NACA: variants seen among roughly 807,000 people sequenced by gnomAD.
NACA encodes nascent polypeptide associated complex subunit alpha.
In NACA, 42 loss-of-function variants were observed where a neutral mutation model predicts 86.4. That is an observed-to-expected ratio of 0.49 (90% CI 0.38 to 0.63). The LOEUF (loss-of-function observed/expected upper bound fraction) is 0.63, where lower values mean the gene tolerates loss of function less well. Ranked by LOEUF, NACA falls within the 20% of genes least tolerant of loss-of-function variation. The probability of loss-of-function intolerance (pLI) is 0.00; values close to 1 mark genes in which losing one functional copy is unlikely to be tolerated. For missense variants in NACA, 2,157 were observed against 2,483.6 expected (o/e 0.87, Z 2.80); for synonymous variants, 898 against 973.7 (o/e 0.92, Z 1.45).
In NACA at chr12:56,720,155, C is replaced by A; in HGVS notation, c.1375G>T (p.Val459Leu). ...ATTGGAGGAGAAACACAAGTAGCTA[C>A]CTCAAAGGTAGTAGTAGGTGCTGCA... ...IAAAPTTTFE[V>L]ATCVSPPMSS... Residue 459 changes from valine to leucine, a missense_variant, in exon 3 of 9, where the codon GTA (valine) becomes TTA (leucine). By Grantham distance (32) the Val-to-Leu change is conservative. Around this residue, in one of 8 missense-constraint regions of NACA, gnomAD observed 947 missense variants for 917.9 expected, o/e 1.03. Transcript: ENST00000454682. 6.2e-7 allele frequency: 1 copy of A among 1,613,842 alleles called. No individual in the cohort carries two copies. Among genetic ancestry groups the A allele is most frequent in the South Asian group, 1.1e-5 (1 of 91,070 alleles).
intron 2 of NACA, 116 bp downstream of exon 2, chr12:56,724,336 C>A: frequency 1.0e-6 from 1 of 984,368 alleles, no homozygotes; most frequent in African/African-American, 1.7e-5. Context: ...GTCTATCCTC[C>A]TTGGTAAAGC....
At position 56,719,608 on chromosome 12, in the gene NACA, A is replaced by C; in HGVS notation, c.1922T>G (p.Ile641Ser). 6.2e-7 allele frequency: 1 copy of C among 1,613,946 alleles called. No individual in the cohort carries two copies. ...AGGAAATGCAGCCACTGTTGGGGTA[A>C]TGAGAGAACTTTTGAGAAGCGGACC... ...SAGPLLKSSL[I>S]TPTVAAFPLE... Residue 641 changes from isoleucine (I) to serine (S), a missense_variant, in exon 3 of 9, where the codon ATT (isoleucine) becomes AGT (serine). Physicochemically the swap from Ile to Ser is moderately radical, Grantham distance 142 (BLOSUM62 -2). Transcript: ENST00000454682.
At chr12:56,723,739 G>T (rs181273401) in intron 2 of NACA, among the ~76,000 whole-genome samples, 1 of 152,130 alleles carries the variant, frequency 6.6e-6, no homozygotes, top group African/African-American at 2.4e-5. Context: ...CTGCACAACT[G>T]ACTCAGAAAG....
chr12:56,715,778 A>G lies in NACA; in HGVS notation c.5659+93T>C, dbSNP rs145075252. 3.6e-6 allele frequency: 4 copies of G among 1,116,984 alleles called. No homozygotes were observed. The East Asian group carries it at 9.8e-5, about 27-fold the overall frequency. 69.2% of individuals were successfully genotyped at this position (1,116,984 alleles called of 1,614,324 possible). A position where few individuals can be genotyped will look rare whatever the true frequency, so the allele number is the denominator to read the frequency against. On this transcript the variant is annotated intron_variant, in intron 3 of 8. Transcript: ENST00000454682. ...AAACCCAAGCAGATTCACTGGAGAA[A>G]GCGGCGCATCACAGGGTTAGTATTG... is the stretch of plus-strand genomic sequence containing the variant.
chr12:56,716,999 A>G lies in NACA; in HGVS notation c.4531T>C (p.Ser1511Pro), dbSNP rs764705477. 4 of 1,265,596 alleles carry G rather than the reference A, an allele frequency of 3.2e-6. No individual in the cohort carries two copies. The Admixed American group carries it at 9.6e-5, about 30-fold the overall frequency. The allele number at this position is 1,265,596 out of a possible 1,614,324, so 78.4% of individuals were successfully genotyped here. The part of the protein sequence containing the change: ...GAPTLPAVIP[S>P]SPKEVPATPS... ...GTAGCTGGGACCTCTTTGGGGGAAG[A>G]AGGAATCACAGCTGGCAGAGTGGGG... The change falls in exon 3 of 9, where the codon TCT becomes CCT. Residue 1511 changes from serine to proline, a missense_variant. Around this residue, in one of 8 missense-constraint regions of NACA, gnomAD observed 797 missense variants for 777.6 expected, o/e 1.02. Transcript: ENST00000454682.
Position 56,721,051 on chromosome 12 carries a change from GAAGT to G in NACA, c.475_478del (p.Thr159HisfsTer7), listed in dbSNP as rs1953561371. Reference sequence around the variant, plus strand: ...CTCAGCTACAGCCACTGAAGGAGGTGAAGTAAGAAGGTTAGGTGGAAAAGCAGAA... The same window carrying G: ...CTCAGCTACAGCCACTGAAGGAGGTGAAGAAGGTTAGGTGGAAAAGCAGAA... On this transcript the variant is annotated frameshift_variant, in exon 3 of 9. Transcript: ENST00000454682. LOFTEE classifies it high-confidence loss of function. 2 of 1,613,884 alleles carry G rather than the reference GAAGT, an allele frequency of 1.2e-6. No individual in the cohort carries two copies. The highest frequency in any genetic ancestry group is 3.3e-5 in the Admixed American group (2 of 59,990).
rs149200196 is a variant in NACA at position 56,720,329 on chromosome 12, C to A, written c.1201G>T (p.Val401Leu). The change falls in exon 3 of 9, where the codon GTA becomes TTA. Residue 401 changes from valine (V) to leucine (L), a missense_variant. Physicochemically the swap from Val to Leu is conservative, Grantham distance 32. This residue lies in a region of NACA where 947 missense variants were observed against 917.9 expected (regional missense o/e 1.03). Transcript: ENST00000454682. ...ITCSPSGSLN[V>L]ATSFSLSPTT... ...GGAGATAATGAAAAAGAGGTAGCTA[C>A]ATTTAAGGAGCCAGAAGGGCTGCAG... 3.7e-6 allele frequency: 6 copies of A among 1,613,722 alleles called. No homozygotes were observed. The highest frequency in any genetic ancestry group is 3.3e-5 in the Admixed American group (2 of 59,976).
intron 6 of NACA, 26 bp from the exon 7 acceptor site, chr12:56,713,216 T>G (rs762595843): frequency 1.2e-6 from 2 of 1,611,470 alleles, no homozygotes; most frequent in Non-Finnish European, 8.5e-7. Flanking sequence ...TACAGATCCA[T>G]GTGAGTAGAT....
chr12:56,714,633 T>A lies in NACA; in HGVS notation c.5714A>T (p.Asp1905Val). 1 of 1,614,196 alleles carries A rather than the reference T, an allele frequency of 6.2e-7. No individual in the cohort carries two copies. Among genetic ancestry groups the A allele is most frequent in the Non-Finnish European group, 8.5e-7 (1 of 1,180,032 alleles). ...TTGTTGTGTGGTTGCCTGGGTGGAA[T>A]CCTGTTCTTCAAGCTCTGGTACTGA... ...DESVPELEEQ[D>V]STQATTQQAQ... The change falls in exon 4 of 9, where the codon GAT (aspartate) becomes GTT (valine). Residue 1905 changes from aspartate (D) to valine (V), a missense_variant. Asp to Val is a radical substitution (Grantham distance 152). Coordinates refer to ENST00000454682, the MANE Select transcript of NACA (RefSeq NM_001365896.1).
chr12:56,716,345 G>C lies in NACA; in HGVS notation c.5185C>G (p.Pro1729Ala). The C allele has an allele frequency of 6.2e-7, 1 of 1,612,436 alleles. No homozygotes were observed. Among genetic ancestry groups the C allele is most frequent in the Non-Finnish European group, 8.5e-7 (1 of 1,179,464 alleles). The change falls in exon 3 of 9, where the codon CCC (proline) becomes GCC (alanine). Residue 1729 changes from proline to alanine, a missense_variant. Pro to Ala is a conservative substitution (Grantham distance 27). Coordinates refer to ENST00000454682, the MANE Select transcript of NACA (RefSeq NM_001365896.1). Reference protein sequence around the residue: ...DPSAKNGSKGPLSTVAPAPLL... With the variant: ...DPSAKNGSKGALSTVAPAPLL... ...GGGGCTGGAGCCACTGTGGAAAGGG[G>C]TCCTTTAGAACCATTCTTAGCTGAG...
At position 56,719,058 on chromosome 12, in the gene NACA, G is replaced by C. The variant is rs1389939980; in HGVS notation, c.2472C>G (p.Leu824=). ...SAGPDTPIGN[L]SSPVSPVEAS... ...CTTCAACTGGAGAAACAGGGGATGA[G>C]AGATTTCCAATAGGAGTATCAGGGC... The change falls in exon 3 of 9, where the codon CTC becomes CTG. Residue 824 remains leucine (L), a synonymous_variant. Transcript: ENST00000454682. The C allele has an allele frequency of 1.4e-6, 2 of 1,449,210 alleles. No homozygotes were observed. The highest frequency in any genetic ancestry group is 1.9e-6 in the Non-Finnish European group (2 of 1,072,506). 89.8% of individuals were successfully genotyped at this position (1,449,210 alleles called of 1,614,324 possible). A position where few individuals can be genotyped will look rare whatever the true frequency, so the allele number is the denominator to read the frequency against.
In NACA at chr12:56,713,334, G is replaced by C. The variant is rs1953266499; in HGVS notation, c.5971-144C>G. 3 of 1,250,548 alleles carry C rather than the reference G, an allele frequency of 2.4e-6. No homozygotes were observed. In the South Asian group the frequency reaches 4.4e-5, roughly 18 times the overall value. The allele number at this position is 1,250,548 out of a possible 1,614,324, so 77.5% of individuals were successfully genotyped here. A position where few individuals can be genotyped will look rare whatever the true frequency, so the allele number is the denominator to read the frequency against. Reference sequence around the variant, plus strand: ...GCTTGCCCTCACAGTAGAAAGAGTAGTTGTTTAGGTTTAGAGCAGTGGTTC... The same window carrying C: ...GCTTGCCCTCACAGTAGAAAGAGTACTTGTTTAGGTTTAGAGCAGTGGTTC... On this transcript the variant is annotated intron_variant, in intron 6 of 8. Transcript: ENST00000454682.
In NACA at chr12:56,713,024, AC is replaced by A. The variant is rs753523188; in HGVS notation, c.6099+37del. The A allele has an allele frequency of 5.6e-5, 91 of 1,613,218 alleles. No individual in the cohort carries two copies. In the African/African-American group the frequency reaches 9.7e-4, roughly 17 times the overall value. ...CTCACCAACACGAACACAATGCTATACGGCGAGAGTTAAATTATGAAAGATT... is the reference window on the plus strand; with the variant it reads ...CTCACCAACACGAACACAATGCTATAGGCGAGAGTTAAATTATGAAAGATT... On this transcript the variant is annotated intron_variant, in intron 7 of 8. Transcript: ENST00000454682.
Position 56,719,097 on chromosome 12 carries a change from C to T in NACA, c.2433G>A (p.Lys811=). The change falls in exon 3 of 9, where the codon AAG becomes AAA. Residue 811 remains lysine, a synonymous_variant. Transcript: ENST00000454682. Reference sequence around the variant, plus strand: ...GAGTATCAGGGCCAGCAGAACCCTTCTTGGTTGGAGGTCTTTTAGTCTGAG... The same window carrying T: ...GAGTATCAGGGCCAGCAGAACCCTTTTTGGTTGGAGGTCTTTTAGTCTGAG... ...VSPQTKRPPT[K]KGSAGPDTPI... is the part of the protein sequence containing the mutation. The T allele has an allele frequency of 6.9e-7, 1 of 1,452,198 alleles. No individual in the cohort carries two copies. The highest frequency in any genetic ancestry group is 1.1e-5 in the South Asian group (1 of 88,758). The allele number at this position is 1,452,198 out of a possible 1,614,324, so 90.0% of individuals were successfully genotyped here.
chr12:56,719,217 T>C lies in NACA; in HGVS notation c.2313A>G (p.Pro771=). Residue 771 remains proline, a synonymous_variant, in exon 3 of 9, where the codon CCA becomes CCG. Coordinates refer to ENST00000454682, the MANE Select transcript of NACA (RefSeq NM_001365896.1). ...TAGCAGAAGCACCAGAGTCCTCAGTTGGGCACTCTTTGGGAGAGGAAGCAA... is the reference window on the plus strand; with the variant it reads ...TAGCAGAAGCACCAGAGTCCTCAGTCGGGCACTCTTTGGGAGAGGAAGCAA... ...APVASSPKEC[P]TEDSGASATA... 6.7e-7 allele frequency: 1 copy of C among 1,499,032 alleles called. No homozygotes were observed. The highest frequency in any genetic ancestry group is 9.0e-7 in the Non-Finnish European group (1 of 1,106,194). 92.9% of individuals were successfully genotyped at this position (1,499,032 alleles called of 1,614,324 possible).
chr12:56,722,617 G>A (rs1317703846), intron 2 of NACA, among the ~76,000 whole-genome samples: 2 of 152,146 alleles, frequency 1.3e-5, no homozygotes, highest in Admixed American at 6.5e-5. Context: ...GAACCCAGGA[G>A]GTGGAGGTTG....
intron 2 of NACA, among the ~76,000 whole-genome samples, chr12:56,722,908 G>A (rs893706246): frequency 6.6e-6 from 1 of 152,086 alleles, no homozygotes; most frequent in Non-Finnish European, 1.5e-5. Flanking sequence ...GGGGAAGCCC[G>A]TGGTACCAAA....
chr12:56,712,624 C>A, intron 8 of NACA, 72 bp from the exon 9 acceptor site: 15 of 1,596,772 alleles, frequency 9.4e-6, no homozygotes, highest in Non-Finnish European at 1.2e-5. Flanking sequence ...AAAACTCTTA[C>A]AGGCAAATCA....
chr12:56,712,638 G>A (rs984826653), intron 8 of NACA, 86 bp from the exon 9 acceptor site: 3 of 1,595,382 alleles, frequency 1.9e-6, no homozygotes, highest in African/African-American at 2.7e-5. Context: ...CAAATCAGGA[G>A]AATTTAGGCC....
Sources: gnomAD v4.1 joint callset for allele counts (sites outside exome capture counted in the v4.1 genomes callset) on GRCh38, gnomAD v4.1.1 for gene constraint, gnomAD v4.1.1 regional missense constraint, MANE v1.5 for transcripts, NCBI Gene and HGNC (gene_info 2026-07-23, HGNC 2026-07-21) for gene names.